The following AKAP6 variants were observed in gnomAD, a reference collection of about 807,000 sequenced individuals.
AKAP6 encodes A-kinase anchoring protein 6, also known as A-kinase anchor protein 6.
In AKAP6, 58 loss-of-function variants were observed where a neutral mutation model predicts 188.5. The observed-to-expected ratio is 0.31, with a 90% confidence interval of 0.25 to 0.38. The LOEUF is 0.38. Among genes scored for constraint, AKAP6 ranks in the 10% least tolerant of loss-of-function variants. The pLI is 1.00. For missense variants in AKAP6, 2,710 were observed against 2,740.0 expected (o/e 0.99, Z 0.24); for synonymous variants, 989 against 998.6 (o/e 0.99, Z 0.18).
At chr14:32,581,879 T>C (rs1311604776) in intron 5 of AKAP6, among the ~76,000 whole-genome samples, 1 of 152,188 alleles carries the variant, frequency 6.6e-6, no homozygotes, top group Non-Finnish European at 1.5e-5. Flanking sequence ...ATTTTGAGCC[T>C]ATGTGTGTCT....
chr14:32,734,130 TGA>T (rs1720081940), intron 10 of AKAP6: 1 of 152,086 alleles, frequency 6.6e-6, no homozygotes. Flanking sequence ...AGGTTTGCAG[TGA>T]GAGAGTAGGG....
At chr14:32,705,665 A>G (rs761512952) in intron 9 of AKAP6, among the ~76,000 whole-genome samples, 1 of 152,170 alleles carries the variant, frequency 6.6e-6, no homozygotes, top group South Asian at 2.1e-4. Flanking sequence ...CTAAAAAGGC[A>G]CAGAACTTGT....
chr14:32,791,026 C>T (rs1327236844), intron 12 of AKAP6, among the ~76,000 whole-genome samples: 1 of 152,136 alleles, frequency 6.6e-6, no homozygotes, highest in Non-Finnish European at 1.5e-5. Flanking sequence ...CATTGGTGGG[C>T]ATTTGGATTG....
At chr14:32,422,776 G>GCCAGCT (rs891834080) in intron 1 of AKAP6, among the ~76,000 whole-genome samples, 2 of 152,132 alleles carry the variant, frequency 1.3e-5, no homozygotes, top group African/African-American at 2.4e-5. Context: ...CTTGGGAAAT[G>GCCAGCT]CCAGCTCCTG....
intron 11 of AKAP6, among the ~76,000 whole-genome samples, chr14:32,738,168 G>A (rs1036940600): frequency 2.0e-5 from 3 of 152,078 alleles, no homozygotes; most frequent in African/African-American, 7.2e-5. Context: ...GCTGGCAAAG[G>A]GTCCCTTTGA....
intron 1 of AKAP6, among the ~76,000 whole-genome samples, chr14:32,399,173 G>A (rs1051365183): frequency 5.9e-5 from 9 of 152,112 alleles, no homozygotes; most frequent in African/African-American, 2.2e-4. Context: ...ATTTCTACAA[G>A]TTACTAGAAA....
rs2034794735 is a variant in AKAP6, at chr14:32,830,244, C to T, written c.*439C>T. On this transcript the variant is annotated 3_prime_UTR_variant, in exon 14 of 14. Transcript: ENST00000280979. ...TACTTGACCAATTTCATGTATCAAT[C>T]TGGATTTTTTTTTAACGGTATAATG... The T allele has an allele frequency of 2.9e-6, 1 of 349,414 alleles. No homozygotes were observed. Among genetic ancestry groups the T allele is most frequent in the African/African-American group, 2.1e-5 (1 of 47,496 alleles). The allele number at this position is 349,414 out of a possible 1,614,324, so 21.6% of individuals were successfully genotyped here.
At chr14:32,548,579 TAG>T (rs1883310691) in intron 4 of AKAP6, among the ~76,000 whole-genome samples, 1 of 148,152 alleles carries the variant, frequency 6.7e-6, no homozygotes, top group African/African-American at 2.5e-5. Flanking sequence ...GATAGATAGA[TAG>T]ATAGATATAA....
intron 5 of AKAP6, among the ~76,000 whole-genome samples, chr14:32,578,369 T>A (rs1004737238): frequency 5.3e-5 from 8 of 152,160 alleles, no homozygotes; most frequent in Non-Finnish European, 1.0e-4. Flanking sequence ...AACTGTGTGG[T>A]AGAGGATGAG....
chr14:32,421,594 T>C (rs1889853403), intron 1 of AKAP6, among the ~76,000 whole-genome samples: 1 of 152,152 alleles, frequency 6.6e-6, no homozygotes, highest in South Asian at 2.1e-4. Context: ...GGATGGTGTG[T>C]TTCCTCCAGG....
intron 1 of AKAP6, among the ~76,000 whole-genome samples, chr14:32,393,845 T>A (rs1170586728): frequency 6.6e-6 from 1 of 152,098 alleles, no homozygotes; most frequent in African/African-American, 2.4e-5. Flanking sequence ...ACACTTCAGG[T>A]TTGTCATGTA....
At position 32,546,747 on chromosome 14, in the gene AKAP6, A is replaced by G. The variant is rs752185516; in HGVS notation, c.2094A>G (p.Pro698=). 2.5e-6 allele frequency: 4 copies of G among 1,614,040 alleles called. No individual in the cohort carries two copies. In the East Asian group the frequency reaches 8.9e-5, roughly 36 times the overall value. The change falls in exon 4 of 14, where the codon CCA becomes CCG. Residue 698 remains proline, a synonymous_variant. Transcript: ENST00000280979. ...ATACAAGGCTAGGCAGGGTGTCTCC[A>G]AGCTCATCTAGTGACATAGCCTCTT... ...KKHTRLGRVS[P]SSSSDIASSL... is the part of the protein sequence containing the mutation.
chr14:32,705,165 C>T (rs1158792774), intron 9 of AKAP6, among the ~76,000 whole-genome samples: 1 of 152,140 alleles, frequency 6.6e-6, no homozygotes, highest in Non-Finnish European at 1.5e-5. Context: ...GGGAATTCTC[C>T]AACCCAGCTA....
intron 7 of AKAP6, among the ~76,000 whole-genome samples, chr14:32,624,979 G>T (rs183572380): frequency 2.4e-4 from 37 of 152,094 alleles, no homozygotes; most frequent in African/African-American, 8.9e-4. Flanking sequence ...TAGTGATTTT[G>T]TGAGTCATAC....
chr14:32,482,998 T>G (rs1282771624), intron 2 of AKAP6, among the ~76,000 whole-genome samples: 2 of 123,850 alleles, frequency 1.6e-5, no homozygotes, highest in African/African-American at 5.5e-5. Flanking sequence ...TGTATATATA[T>G]ATATATATAT....
intron 4 of AKAP6, among the ~76,000 whole-genome samples, chr14:32,576,116 C>A (rs749122328): frequency 1.1e-4 from 16 of 152,062 alleles, no homozygotes; most frequent in Non-Finnish European, 2.1e-4. Flanking sequence ...TTACTTTTAC[C>A]TCTTTCCACT....
At chr14:32,524,418 A>G (rs1020720471) in intron 2 of AKAP6, among the ~76,000 whole-genome samples, 3 of 152,116 alleles carry the variant, frequency 2.0e-5, no homozygotes, top group African/African-American at 7.2e-5. Flanking sequence ...TTACTAAGCC[A>G]TATATATAAA....
chr14:32,828,980 A>G lies in AKAP6; in HGVS notation c.*43-868A>G, dbSNP rs149355983. 3.1e-3 allele frequency among the ~76,000 whole-genome samples: 466 copies of G among 152,360 alleles called. 1 individual carries two copies. Among genetic ancestry groups the G allele is most frequent in the Non-Finnish European group, 5.2e-3 (357 of 68,038 alleles). Reference sequence around the variant, plus strand: ...AAGAGCATATTCGTTCTTGAAGGACAGTAAAACAACCTGATATGAGAAATC... The same window carrying G: ...AAGAGCATATTCGTTCTTGAAGGACGGTAAAACAACCTGATATGAGAAATC... On this transcript the variant is annotated intron_variant, in intron 13 of 13. Coordinates refer to ENST00000280979, the MANE Select transcript of AKAP6 (RefSeq NM_004274.5).
intron 1 of AKAP6, among the ~76,000 whole-genome samples, chr14:32,344,401 G>A (rs1886996427): frequency 6.6e-6 from 1 of 152,212 alleles, no homozygotes; most frequent in Non-Finnish European, 1.5e-5. Flanking sequence ...ATAATGGGGA[G>A]TCAGAGAAAT....
Sources: allele counts gnomAD v4.1 joint callset (sites outside exome capture counted in the v4.1 genomes callset), GRCh38; gene constraint gnomAD v4.1.1; transcripts MANE v1.5; gene names NCBI Gene and HGNC (gene_info 2026-07-23, HGNC 2026-07-21).